Variants in CHCHD3 observed in about 807,000 individuals in gnomAD.
The protein encoded by CHCHD3 is coiled-coil-helix-coiled-coil-helix domain containing 3.
Under a neutral mutation model 38.2 loss-of-function variants are expected in CHCHD3, and 20 were observed. The ratio of observed to expected loss-of-function variants is 0.52; its 90% CI spans 0.37 to 0.76. The LOEUF (loss-of-function observed/expected upper bound fraction) is 0.76. Among genes scored for constraint, CHCHD3 ranks in the 30% least tolerant of loss-of-function variants. The pLI is 0.00. For missense variants in CHCHD3, 245 were observed against 279.2 expected (o/e 0.88, Z 0.87); for synonymous variants, 82 against 100.0 (o/e 0.82, Z 1.07).
At chr7:133,075,772 T>A (rs1162436012) in intron 1 of CHCHD3, among the ~76,000 whole-genome samples, 1 of 152,126 alleles carries the variant, frequency 6.6e-6, no homozygotes, top group Admixed American at 6.5e-5. Context: ...GTAAGAAGTA[T>A]CTTGCGGTCA....
At chr7:132,978,437 C>T (rs1212829095) in intron 3 of CHCHD3, among the ~76,000 whole-genome samples, 2 of 152,166 alleles carry the variant, frequency 1.3e-5, no homozygotes, top group Non-Finnish European at 2.9e-5. Context: ...CAACGATTTG[C>T]CCTATTTTTG....
At chr7:132,995,095 A>T (rs1012097856) in intron 3 of CHCHD3, among the ~76,000 whole-genome samples, 1 of 152,258 alleles carries the variant, frequency 6.6e-6, no homozygotes, top group African/African-American at 2.4e-5. Flanking sequence ...TAGATTTTTT[A>T]ATTTTCACCT....
intron 5 of CHCHD3, among the ~76,000 whole-genome samples, chr7:132,845,694 A>G (rs1001530479): frequency 6.6e-6 from 1 of 152,218 alleles, no homozygotes; most frequent in Non-Finnish European, 1.5e-5. Flanking sequence ...ACTACTGTTC[A>G]TGATTCTCAA....
chr7:132,903,814 G>A (rs777084551), intron 4 of CHCHD3, among the ~76,000 whole-genome samples: 1 of 152,168 alleles, frequency 6.6e-6, no homozygotes, highest in Non-Finnish European at 1.5e-5. Context: ...GCAAGTATTC[G>A]AACTGAGGAA....
intron 2 of CHCHD3, among the ~76,000 whole-genome samples, chr7:133,033,553 C>T (rs927090598): frequency 9.2e-5 from 14 of 152,048 alleles, no homozygotes; most frequent in Middle Eastern, 3.2e-3. Flanking sequence ...AATATTCACC[C>T]TGATAAATGA....
chr7:133,072,084 C>T (rs941868606), intron 1 of CHCHD3, among the ~76,000 whole-genome samples: 3 of 151,208 alleles, frequency 2.0e-5, no homozygotes, highest in African/African-American at 7.3e-5. Context: ...GAGGGAGGAT[C>T]ACTTGAGCCC....
intron 6 of CHCHD3, among the ~76,000 whole-genome samples, chr7:132,833,149 T>C (rs1241927201): frequency 1.3e-5 from 2 of 152,218 alleles, no homozygotes; most frequent in East Asian, 1.9e-4. Flanking sequence ...AGGATTAATA[T>C]AAAATATAAT....
At chr7:132,932,406 C>G (rs890265344) in intron 4 of CHCHD3, among the ~76,000 whole-genome samples, 1 of 152,210 alleles carries the variant, frequency 6.6e-6, no homozygotes, top group African/African-American at 2.4e-5. Context: ...TGGAATCAAA[C>G]AGCACATTTT....
chr7:132,839,931 G>A (rs964654824), intron 5 of CHCHD3, among the ~76,000 whole-genome samples: 3 of 152,330 alleles, frequency 2.0e-5, no homozygotes, highest in Middle Eastern at 3.4e-3. Context: ...AAGATGAACA[G>A]AACAGTTGTA....
intron 6 of CHCHD3, among the ~76,000 whole-genome samples, chr7:132,825,961 G>A (rs1198591393): frequency 6.6e-6 from 1 of 152,210 alleles, no homozygotes; most frequent in Admixed American, 6.5e-5. Flanking sequence ...CATATGAAGC[G>A]TCTGTCTGAA....
chr7:133,048,057 C>T lies in CHCHD3; in HGVS notation c.169+22085G>A, dbSNP rs542718916. Among the ~76,000 whole-genome samples, 8 of 152,140 alleles carry T rather than the reference C, an allele frequency of 5.3e-5. No homozygotes were observed. The South Asian group carries it at 1.7e-3, about 32-fold the overall frequency. ...GAGCTGAGATCACGCCATTGCACTC[C>T]AGGCTGGGCAACAAGAGCGAAACTC... On this transcript the variant is annotated intron_variant, in intron 2 of 7. Coordinates refer to ENST00000262570, the MANE Select transcript of CHCHD3 (RefSeq NM_017812.4).
chr7:132,811,992 G>A (rs968755654), intron 6 of CHCHD3, among the ~76,000 whole-genome samples: 1 of 151,910 alleles, frequency 6.6e-6, no homozygotes, highest in African/African-American at 2.4e-5. Context: ...GGCATTACAG[G>A]TACCACATGT....
At chr7:133,038,119 T>C (rs186114966) in intron 2 of CHCHD3, among the ~76,000 whole-genome samples, 34 of 152,294 alleles carry the variant, frequency 2.2e-4, no homozygotes, top group Middle Eastern at 6.8e-3. Context: ...GATTAAAGTA[T>C]CTAAAAGTAG....
At chr7:132,799,891 C>T (rs575678242) in intron 6 of CHCHD3, among the ~76,000 whole-genome samples, 26 of 152,232 alleles carry the variant, frequency 1.7e-4, no homozygotes, top group East Asian at 1.2e-3. Flanking sequence ...ACTAGCAGCC[C>T]GCCCTCCCTT....
intron 5 of CHCHD3, among the ~76,000 whole-genome samples, chr7:132,866,972 A>T (rs763906355): frequency 9.2e-5 from 14 of 152,188 alleles, no homozygotes; most frequent in Non-Finnish European, 1.5e-4. Context: ...ATCTAATCGG[A>T]GGCCTCGCTA....
chr7:132,936,156 C>T (rs756340266), intron 4 of CHCHD3, among the ~76,000 whole-genome samples: 4 of 152,108 alleles, frequency 2.6e-5, no homozygotes, highest in Admixed American at 2.0e-4. Context: ...TAAGAACGTA[C>T]GTGGAGTTAG....
chr7:132,811,225 C>A (rs1366781622), intron 6 of CHCHD3, among the ~76,000 whole-genome samples: 1 of 152,214 alleles, frequency 6.6e-6, no homozygotes, highest in African/African-American at 2.4e-5. Context: ...TTCTTACCTT[C>A]CCCCACCCTT....
intron 1 of CHCHD3, among the ~76,000 whole-genome samples, chr7:133,076,058 C>CAAAAA (rs58754100): frequency 3.1e-5 from 2 of 63,680 alleles, no homozygotes; most frequent in Non-Finnish European, 6.0e-5. Flanking sequence ...GATTCTATCT[C>CAAAAA]AAAAAAAAAA....
chr7:132,848,340 C>T (rs1388662713), intron 5 of CHCHD3, among the ~76,000 whole-genome samples: 1 of 152,166 alleles, frequency 6.6e-6, no homozygotes. Context: ...AACTATGATA[C>T]ATAATCAGCT....
Sources: gnomAD v4.1 joint callset for allele counts (sites outside exome capture counted in the v4.1 genomes callset) on GRCh38, gnomAD v4.1.1 for gene constraint, MANE v1.5 for transcripts, NCBI Gene and HGNC (gene_info 2026-07-23, HGNC 2026-07-21) for gene names.